WDFY3: variants seen among roughly 807,000 people sequenced by gnomAD.
The protein encoded by WDFY3 is WD repeat and FYVE domain containing 3.
WDFY3 carries 66 observed loss-of-function variants against 409.6 expected under a neutral mutation model. The ratio of observed to expected loss-of-function variants is 0.16; its 90% CI spans 0.13 to 0.20. The LOEUF (loss-of-function observed/expected upper bound fraction) is 0.20, where lower values mean the gene tolerates loss of function less well. WDFY3 is among the 10% of genes least tolerant of loss of function. The pLI is 1.00. For missense variants in WDFY3, 3,031 were observed against 4,298.1 expected (o/e 0.71, Z 8.24); for synonymous variants, 1,521 against 1,537.1 (o/e 0.99, Z 0.25).
At chr4:84,924,756 T>C (rs1348957613) in intron 2 of WDFY3, among the ~76,000 whole-genome samples, 1 of 152,202 alleles carries the variant, frequency 6.6e-6, no homozygotes, top group Non-Finnish European at 1.5e-5. Flanking sequence ...GCTGCTTAGC[T>C]AGTATGTGGT....
Position 84,868,115 on chromosome 4 carries a change from T to C in WDFY3, c.-31-7493A>G, listed in dbSNP as rs1181384359. On this transcript the variant is annotated intron_variant, in intron 3 of 67. Transcript: ENST00000295888. ...ACCCAGGAGGAGGTGGAGCTTTAAG[T>C]GAGCCGAGATCATGCCACTGCACTC... 2.5e-5 allele frequency among the ~76,000 whole-genome samples: 3 copies of C among 120,572 alleles called. 1 individual carries two copies. Among genetic ancestry groups the C allele is most frequent in the Admixed American group, 2.5e-4 (2 of 7,950 alleles). 79.1% of individuals were successfully genotyped at this position (120,572 alleles called of 152,430 possible).
intron 1 of WDFY3, among the ~76,000 whole-genome samples, chr4:84,933,131 C>G (rs575607570): frequency 6.6e-6 from 1 of 152,126 alleles, no homozygotes. Flanking sequence ...CAAAGAATAG[C>G]ATCATCTTTA....
chr4:84,822,617 C>A lies in WDFY3; in HGVS notation c.1124-1066G>T, dbSNP rs544614337. ...AGGAGGCTGAGGCAGGAGGCTGAGG[C>A]AGGAGGATTGCTTGAGCCCAGGAGT... On this transcript the variant is annotated intron_variant, in intron 10 of 67. Coordinates refer to ENST00000295888, the MANE Select transcript of WDFY3 (RefSeq NM_014991.6). Among the ~76,000 whole-genome samples the A allele has an allele frequency of 5.3e-5, 8 of 152,166 alleles. No homozygotes were observed. In the East Asian group the frequency reaches 1.5e-3, roughly 29 times the overall value.
At chr4:84,791,646 C>T (rs1748548978) in intron 21 of WDFY3, among the ~76,000 whole-genome samples, 1 of 152,064 alleles carries the variant, frequency 6.6e-6, no homozygotes, top group African/African-American at 2.4e-5. Flanking sequence ...TGCTCAACGA[C>T]ACAAGAGGAC....
At position 84,705,396 on chromosome 4, in the gene WDFY3, T is replaced by C. The variant is rs376065965; in HGVS notation, c.8333A>G (p.Asn2778Ser). 3.1e-6 allele frequency: 5 copies of C among 1,612,524 alleles called. No individual in the cohort carries two copies. The highest frequency in any genetic ancestry group is 4.2e-6 in the Non-Finnish European group (5 of 1,179,076). The change falls in exon 54 of 68, where the codon AAT (asparagine) becomes AGT (serine). Residue 2778 changes from asparagine to serine, a missense_variant and splice_region_variant. Transcript: ENST00000295888. ...KKRYKDWEDPNGETPAYHYGT... is the reference protein window; with the variant it reads ...KKRYKDWEDPSGETPAYHYGT... ...CAATGACAGAAAAAGTTCCTTACCA[T>C]TAGGATCCTCCCAGTCTTTATACCG...
intron 1 of WDFY3, among the ~76,000 whole-genome samples, chr4:84,943,421 G>A (rs6815917): frequency 0.29 from 44,264 of 151,678 alleles, 6,589 homozygotes; most frequent in Admixed American, 0.33. Context: ...GGAGAATGGC[G>A]TGAACCAGGG....
At chr4:84,927,261 A>G (rs1460605146) in intron 2 of WDFY3, among the ~76,000 whole-genome samples, 1 of 152,116 alleles carries the variant, frequency 6.6e-6, no homozygotes, top group African/African-American at 2.4e-5. Flanking sequence ...CCTTTTCTCC[A>G]TGAACTTGAG....
intron 44 of WDFY3, among the ~76,000 whole-genome samples, chr4:84,730,317 C>G (rs887865778): frequency 2.6e-5 from 4 of 152,132 alleles, no homozygotes; most frequent in Non-Finnish European, 5.9e-5. Flanking sequence ...GGAAAAAAGT[C>G]TATAACTTAG....
Position 84,950,426 on chromosome 4 carries a change from AAAG to A in WDFY3, c.-226+15780_-226+15782del, listed in dbSNP as rs573051919. On this transcript the variant is annotated intron_variant, in intron 1 of 67. Coordinates refer to ENST00000295888, the MANE Select transcript of WDFY3 (RefSeq NM_014991.6). ...AACTTAAAGTTTAATAAAAAAAAAA[AAAG>A]GTTACATTATTTAATATAGGCTAAA... is the stretch of plus-strand genomic sequence containing the variant. 2.6e-5 allele frequency among the ~76,000 whole-genome samples: 4 copies of A among 152,290 alleles called. No individual in the cohort carries two copies. The East Asian group carries it at 5.8e-4, about 22-fold the overall frequency.
At chr4:84,962,982 T>C (rs1775105542) in intron 1 of WDFY3, among the ~76,000 whole-genome samples, 1 of 151,982 alleles carries the variant, frequency 6.6e-6, no homozygotes. Context: ...TCGCCATTTA[T>C]TTCTTAATCA....
rs775264841 is a variant in WDFY3 at position 84,782,957 on chromosome 4, A to G, written c.4174+6T>C. The G allele has an allele frequency of 8.1e-6, 13 of 1,610,180 alleles. No individual in the cohort carries two copies. Among genetic ancestry groups the G allele is most frequent in the Non-Finnish European group, 1.1e-5 (13 of 1,179,036 alleles). On this transcript the variant is annotated splice_donor_region_variant and intron_variant, in intron 25 of 67. Coordinates refer to ENST00000295888, the MANE Select transcript of WDFY3 (RefSeq NM_014991.6). ...AGTTTGAAACAACAAAGATAAGTCC[A>G]CTCACCCAAGTATCCAATCAGAGCG...
chr4:84,760,672 T>G (rs572075486), intron 32 of WDFY3, among the ~76,000 whole-genome samples: 1 of 152,064 alleles, frequency 6.6e-6, no homozygotes, highest in Non-Finnish European at 1.5e-5. Flanking sequence ...CATTTTTTAT[T>G]GCATCTATTT....
At chr4:84,846,171 A>C (rs1461890160) in intron 5 of WDFY3, among the ~76,000 whole-genome samples, 1 of 152,172 alleles carries the variant, frequency 6.6e-6, no homozygotes, top group African/African-American at 2.4e-5. Flanking sequence ...TGAATATCAT[A>C]GGATTCAAAG....
Position 84,733,509 on chromosome 4 carries a change from T to A in WDFY3, c.7094A>T (p.His2365Leu), listed in dbSNP as rs1215545777. The A allele has an allele frequency of 6.2e-7, 1 of 1,614,104 alleles. No individual in the cohort carries two copies. Among genetic ancestry groups the A allele is most frequent in the African/African-American group, 1.3e-5 (1 of 75,026 alleles). The change falls in exon 44 of 68, where the codon CAC becomes CTC. Residue 2365 changes from histidine to leucine, a missense_variant. Physicochemically the swap from His to Leu is moderately conservative, Grantham distance 99 (BLOSUM62 -3). Transcript: ENST00000295888. ...CATCTCCAGCATCCACTTGTCGAGG[T>A]GGGAGCCGATGGGAGGGCCCCACAG... Reference protein sequence around the residue: ...RGLWGPPIGSHLDKWMLEMTE... With the variant: ...RGLWGPPIGSLLDKWMLEMTE...
At chr4:84,716,517 C>G (rs1733944704) in intron 49 of WDFY3, among the ~76,000 whole-genome samples, 1 of 150,728 alleles carries the variant, frequency 6.6e-6, no homozygotes, top group Non-Finnish European at 1.5e-5. Flanking sequence ...ACATTTTCGG[C>G]CGGGCGCGGT....
At chr4:84,701,020 G>C (rs1730994109) in intron 56 of WDFY3, among the ~76,000 whole-genome samples, 1 of 152,238 alleles carries the variant, frequency 6.6e-6, no homozygotes. Flanking sequence ...TGCAGCACGA[G>C]AATTGCTTGA....
chr4:84,744,660 C>T (rs1739054222), intron 36 of WDFY3, among the ~76,000 whole-genome samples: 2 of 151,018 alleles, frequency 1.3e-5, no homozygotes, highest in South Asian at 2.1e-4. Flanking sequence ...GAGGCCATCC[C>T]GGCTAAAACG....
chr4:84,789,016 TC>T (rs1314360425), intron 22 of WDFY3, among the ~76,000 whole-genome samples: 6 of 151,994 alleles, frequency 3.9e-5, no homozygotes, highest in African/African-American at 7.3e-5. Context: ...CAAGACACCA[TC>T]TTAAAAAAGG....
At position 84,743,787 on chromosome 4, in the gene WDFY3, T is replaced by A; in HGVS notation, c.5986A>T (p.Arg1996Trp). 1 of 1,573,992 alleles carries A rather than the reference T, an allele frequency of 6.4e-7. No individual in the cohort carries two copies. Among genetic ancestry groups the A allele is most frequent in the Non-Finnish European group, 8.6e-7 (1 of 1,157,322 alleles). Residue 1996 changes from arginine (R) to tryptophan (W), a missense_variant, in exon 37 of 68, where the codon AGG becomes TGG. Physicochemically the swap from Arg to Trp is moderately radical, Grantham distance 101. Coordinates refer to ENST00000295888, the MANE Select transcript of WDFY3 (RefSeq NM_014991.6). ...TCTTTTTGCTGAGTTCTTGTAGACC[T>A]TTCAGGGGAAGCCTAATCAAGAAAA... is the stretch of plus-strand genomic sequence containing the variant. ...IDLLLEASPE[R>W]STRTQQKEFQ...
Sources: allele counts gnomAD v4.1 joint callset (sites outside exome capture counted in the v4.1 genomes callset), GRCh38; gene constraint gnomAD v4.1.1; transcripts MANE v1.5; gene names NCBI Gene and HGNC (gene_info 2026-07-23, HGNC 2026-07-21).